Variants in TAFA4 observed in about 807,000 individuals in gnomAD.
The protein encoded by TAFA4 is chemokine-like protein TAFA-4.
In TAFA4, 20 loss-of-function variants were observed where a neutral mutation model predicts 21.1. The observed-to-expected ratio is 0.95, with a 90% CI of 0.67 to 1.38. The LOEUF (loss-of-function observed/expected upper bound fraction) is 1.38, where lower values mean the gene tolerates loss of function less well. Among genes scored for constraint, TAFA4 ranks in the 40% most tolerant of loss-of-function variants. The probability of loss-of-function intolerance (pLI) is 0.00; values close to 1 mark genes in which losing one functional copy is unlikely to be tolerated. For synonymous variants in TAFA4, 71 were observed against 67.4 expected (o/e 1.05, Z -0.26); for missense variants, 211 against 180.9 (o/e 1.17, Z -0.95).
At chr3:68,742,801 C>G (rs62254073) in intron 4 of TAFA4, among the ~76,000 whole-genome samples, 6 of 152,162 alleles carry the variant, frequency 3.9e-5, no homozygotes, top group African/African-American at 1.4e-4. Context: ...GTGACTAGGG[C>G]AAGGTCACAG....
At chr3:68,875,995 C>A (rs1212378830) in intron 3 of TAFA4, among the ~76,000 whole-genome samples, 1 of 150,322 alleles carries the variant, frequency 6.7e-6, no homozygotes, top group Non-Finnish European at 1.5e-5. Flanking sequence ...AGAGATAAAA[C>A]AATGTGCTCT....
intron 5 of TAFA4, among the ~76,000 whole-genome samples, chr3:68,738,033 G>A (rs779717027): frequency 3.9e-5 from 6 of 152,136 alleles, no homozygotes; most frequent in Non-Finnish European, 7.4e-5. Flanking sequence ...TCTCCCACCA[G>A]ACAGAAAGCT....
intron 3 of TAFA4, among the ~76,000 whole-genome samples, chr3:68,775,354 TG>T (rs1703030523): frequency 6.6e-6 from 1 of 152,110 alleles, no homozygotes; most frequent in Non-Finnish European, 1.5e-5. Context: ...AACACAATGC[TG>T]GGGAGAGTAA....
intron 3 of TAFA4, among the ~76,000 whole-genome samples, chr3:68,865,509 T>C (rs1379076961): frequency 6.6e-6 from 1 of 152,140 alleles, no homozygotes; most frequent in Non-Finnish European, 1.5e-5. Flanking sequence ...ACATCTCTTT[T>C]GCCTGCCACC....
intron 3 of TAFA4, among the ~76,000 whole-genome samples, chr3:68,795,775 GT>G (rs1575611685): frequency 6.6e-6 from 1 of 152,274 alleles, no homozygotes; most frequent in East Asian, 1.9e-4. Flanking sequence ...GCGGATGTTC[GT>G]TGGTGTCTGA....
At chr3:68,810,399 G>A (rs1297917542) in intron 3 of TAFA4, among the ~76,000 whole-genome samples, 1 of 152,206 alleles carries the variant, frequency 6.6e-6, no homozygotes, top group Non-Finnish European at 1.5e-5. Flanking sequence ...GAAGCACAAG[G>A]CATCAGGGAA....
At chr3:68,901,145 G>C (rs1321771897) in intron 1 of TAFA4, among the ~76,000 whole-genome samples, 1 of 152,154 alleles carries the variant, frequency 6.6e-6, no homozygotes, top group African/African-American at 2.4e-5. Context: ...TACAAAGAAA[G>C]CCAGACTTCA....
At chr3:68,781,394 G>T (rs1390996246) in intron 3 of TAFA4, among the ~76,000 whole-genome samples, 2 of 151,052 alleles carry the variant, frequency 1.3e-5, no homozygotes, top group South Asian at 2.1e-4. Context: ...AATTAATCAA[G>T]AACAAAAGAG....
chr3:68,746,146 GGGGCTCT>G (rs1702453773), intron 4 of TAFA4, among the ~76,000 whole-genome samples: 1 of 152,132 alleles, frequency 6.6e-6, no homozygotes. Flanking sequence ...TGGTTTCCCA[GGGGCTCT>G]GGGCTCTCAG....
chr3:68,904,090 C>T (rs943386910), intron 1 of TAFA4, among the ~76,000 whole-genome samples: 40 of 151,248 alleles, frequency 2.6e-4, no homozygotes, highest in African/African-American at 9.3e-4. Flanking sequence ...AACAATTTGC[C>T]ATGTATAGAA....
chr3:68,928,891 C>T (rs2090134126), intron 1 of TAFA4, among the ~76,000 whole-genome samples: 1 of 151,958 alleles, frequency 6.6e-6, no homozygotes, highest in Admixed American at 6.6e-5. Flanking sequence ...ACACCTCCTA[C>T]CCCTGATCTT....
intron 1 of TAFA4, among the ~76,000 whole-genome samples, chr3:68,902,411 A>G (rs997261000): frequency 6.6e-6 from 1 of 151,934 alleles, no homozygotes; most frequent in Non-Finnish European, 1.5e-5. Context: ...TCTGTTGTTC[A>G]GGCTGGACTG....
chr3:68,839,261 G>C lies in TAFA4; in HGVS notation c.130+41469C>G, dbSNP rs72938867. 4.5e-3 allele frequency among the ~76,000 whole-genome samples: 612 copies of C among 136,216 alleles called. 5 individuals are homozygous for C. The highest frequency in any genetic ancestry group is 0.015 in the African/African-American group (579 of 38,528). The allele number at this position is 136,216 out of a possible 152,430, so 89.4% of individuals were successfully genotyped here. A position where few individuals can be genotyped will look rare whatever the true frequency, so the allele number is the denominator to read the frequency against. On this transcript the variant is annotated intron_variant, in intron 3 of 5. Transcript: ENST00000295569. ...AAATGATAGGAGAGAACTTTTAACA[G>C]AGGGTAGCCAAAGAAGGTGACATTT...
intron 3 of TAFA4, among the ~76,000 whole-genome samples, chr3:68,812,609 T>C (rs1433351737): frequency 1.3e-5 from 2 of 152,054 alleles, no homozygotes; most frequent in African/African-American, 4.8e-5. Flanking sequence ...GGGATCAATT[T>C]AACAAGAAGA....
At chr3:68,918,680 T>C (rs1460797322) in intron 1 of TAFA4, among the ~76,000 whole-genome samples, 3 of 152,130 alleles carry the variant, frequency 2.0e-5, no homozygotes, top group Non-Finnish European at 4.4e-5. Flanking sequence ...TGGCACTACA[T>C]GCATGCATCT....
chr3:68,856,490 T>C (rs887883399), intron 3 of TAFA4, among the ~76,000 whole-genome samples: 5 of 151,798 alleles, frequency 3.3e-5, no homozygotes, highest in East Asian at 1.9e-4. Context: ...ACTTCCAGAG[T>C]CTTTCAGTCT....
intron 2 of TAFA4, among the ~76,000 whole-genome samples, chr3:68,882,352 G>C (rs943209299): frequency 2.6e-5 from 4 of 151,942 alleles, no homozygotes; most frequent in African/African-American, 9.7e-5. Context: ...AAATTGAATT[G>C]GTTGCCAACA....
rs536246077 is a variant in TAFA4, at chr3:68,906,892, A to G, written c.-122-21582T>C. Among the ~76,000 whole-genome samples, 219 of 152,008 alleles carry G rather than the reference A, an allele frequency of 1.4e-3. 1 individual carries two copies. The highest frequency in any genetic ancestry group is 5.1e-3 in the African/African-American group (212 of 41,458). Reference sequence around the variant, plus strand: ...CAAAAATACAAAATATTAGCTGGGCATGGTGGCGCATACCTGTGGTCTCAG... The same window carrying G: ...CAAAAATACAAAATATTAGCTGGGCGTGGTGGCGCATACCTGTGGTCTCAG... On this transcript the variant is annotated intron_variant, in intron 1 of 5. Coordinates refer to ENST00000295569, the MANE Select transcript of TAFA4 (RefSeq NM_182522.5).
At chr3:68,878,559 AAG>A (rs1491086544) in intron 3 of TAFA4, among the ~76,000 whole-genome samples, 1 of 152,184 alleles carries the variant, frequency 6.6e-6, no homozygotes, top group Non-Finnish European at 1.5e-5. Context: ...GCCAAAAAAA[AAG>A]GAACAAAAGG....
Sources: allele counts gnomAD v4.1 joint callset (sites outside exome capture counted in the v4.1 genomes callset), GRCh38; gene constraint gnomAD v4.1.1; transcripts MANE v1.5; gene names NCBI Gene and HGNC (gene_info 2026-07-23, HGNC 2026-07-21).